ZSWIM6: variants seen among roughly 807,000 people sequenced by gnomAD.
ZSWIM6 encodes the protein zinc finger SWIM domain-containing protein 6.
ZSWIM6 carries 9 observed loss-of-function variants against 113.2 expected under a neutral mutation model. The ratio of observed to expected loss-of-function variants is 0.08; its 90% CI spans 0.05 to 0.14. The LOEUF is 0.14. Ranked by LOEUF, ZSWIM6 falls within the 10% of genes least tolerant of loss-of-function variation. The pLI is 1.00. For missense variants in ZSWIM6, 1,162 were observed against 1,552.2 expected, an observed-to-expected ratio of 0.75 and a Z score of 4.22; for synonymous variants, 611 against 606.5, an observed-to-expected ratio of 1.01 and a Z score of -0.11.
At chr5:61,391,047 A>G in intron 1 of ZSWIM6, 1 of 742,634 alleles carries the variant, frequency 1.3e-6, no homozygotes, top group South Asian at 1.4e-5. Flanking sequence ...CAGTGCTGTG[A>G]CAGTAACCTT....
At chr5:61,471,315 G>A (rs991407680) in intron 1 of ZSWIM6, among the ~76,000 whole-genome samples, 1 of 152,102 alleles carries the variant, frequency 6.6e-6, no homozygotes. Flanking sequence ...AGAGAGAGAG[G>A]GTGGAACTGA....
chr5:61,523,107 GA>G (rs778430755), intron 5 of ZSWIM6, among the ~76,000 whole-genome samples: 19 of 152,204 alleles, frequency 1.2e-4, no homozygotes, highest in Non-Finnish European at 1.9e-4. Flanking sequence ...ACTTTTAGCA[GA>G]ATACCCCCAT....
intron 1 of ZSWIM6, among the ~76,000 whole-genome samples, chr5:61,436,094 G>A (rs1746700864): frequency 1.3e-5 from 2 of 151,988 alleles, no homozygotes; most frequent in Middle Eastern, 3.4e-3. Flanking sequence ...CCAGCTACCC[G>A]GGAGGCTGAG....
At chr5:61,467,172 A>T (rs1040983953) in intron 1 of ZSWIM6, among the ~76,000 whole-genome samples, 3 of 152,218 alleles carry the variant, frequency 2.0e-5, no homozygotes, top group African/African-American at 7.2e-5. Context: ...AAGTGCCCAT[A>T]GCGCTTTTGC....
intron 1 of ZSWIM6, among the ~76,000 whole-genome samples, chr5:61,362,863 A>G (rs1210051621): frequency 6.6e-6 from 1 of 152,230 alleles, no homozygotes; most frequent in Non-Finnish European, 1.5e-5. Context: ...AAGAAAATTT[A>G]CATCACAACC....
chr5:61,406,952 A>T (rs1239146667), intron 1 of ZSWIM6, among the ~76,000 whole-genome samples: 1 of 152,132 alleles, frequency 6.6e-6, no homozygotes, highest in Non-Finnish European at 1.5e-5. Context: ...ACTTCAGGTG[A>T]TCCACCCACC....
In ZSWIM6 at chr5:61,383,080, T is replaced by G. The variant is rs148704110; in HGVS notation, c.676+50132T>G. ...TACAATAAATACAGTCTCCAAAAAGTCTGGACACACAGGGAAAATTGTGTG... is the reference window on the plus strand; with the variant it reads ...TACAATAAATACAGTCTCCAAAAAGGCTGGACACACAGGGAAAATTGTGTG... On this transcript the variant is annotated intron_variant, in intron 1 of 13. Coordinates refer to ENST00000252744, the MANE Select transcript of ZSWIM6 (RefSeq NM_020928.2). Among the ~76,000 whole-genome samples the G allele has an allele frequency of 6.1e-4, 93 of 152,334 alleles. 1 individual carries two copies. The South Asian group carries it at 0.01, about 17-fold the overall frequency.
At chr5:61,419,196 ATAGAT>A (rs1170211987) in intron 1 of ZSWIM6, among the ~76,000 whole-genome samples, 1 of 152,234 alleles carries the variant, frequency 6.6e-6, no homozygotes, top group Non-Finnish European at 1.5e-5. Context: ...ATTGTGGCCT[ATAGAT>A]TAAAGTTATT....
At chr5:61,512,136 C>G (rs1748806274) in intron 4 of ZSWIM6, among the ~76,000 whole-genome samples, 2 of 152,134 alleles carry the variant, frequency 1.3e-5, no homozygotes, top group Admixed American at 6.6e-5. Flanking sequence ...CATGCTGTCC[C>G]AGTCCCTAGC....
intron 7 of ZSWIM6, among the ~76,000 whole-genome samples, chr5:61,528,472 T>C (rs1403658540): frequency 6.6e-6 from 1 of 152,130 alleles, no homozygotes; most frequent in Admixed American, 6.5e-5. Context: ...TGCTCATGTT[T>C]CTTTTTTCCT....
In ZSWIM6 at chr5:61,332,420, G is replaced by A; in HGVS notation, c.148G>A (p.Gly50Ser). The change falls in exon 1 of 14, where the codon GGC becomes AGC. Residue 50 changes from glycine to serine, a missense_variant. By Grantham distance (56) the Gly-to-Ser change is moderately conservative. Coordinates refer to ENST00000252744, the MANE Select transcript of ZSWIM6 (RefSeq NM_020928.2). ...CTGTCGGCCAGGCCCGCGGGCGGGT[G>A]GCGCGGCGGCGGCGGCGGCGTGCGG... is the stretch of plus-strand genomic sequence containing the variant. Reference protein sequence around the residue: ...SACRPGPRAGGAAAAAACGGG... With the variant: ...SACRPGPRAGSAAAAAACGGG... 1 of 998,220 alleles carries A rather than the reference G, an allele frequency of 1.0e-6. No individual in the cohort carries two copies. The highest frequency in any genetic ancestry group is 1.2e-6 in the Non-Finnish European group (1 of 840,912). The allele number at this position is 998,220 out of a possible 1,614,324, so 61.8% of individuals were successfully genotyped here.
In ZSWIM6 at chr5:61,531,675, A is replaced by G; in HGVS notation, c.2195A>G (p.Asp732Gly). 2 of 1,551,710 alleles carry G rather than the reference A, an allele frequency of 1.3e-6. No individual in the cohort carries two copies. Among genetic ancestry groups the G allele is most frequent in the Non-Finnish European group, 1.7e-6 (2 of 1,146,974 alleles). Residue 732 changes from aspartate (D) to glycine (G), a missense_variant, in exon 9 of 14, where the codon GAT (aspartate) becomes GGT (glycine). Asp to Gly is a moderately conservative substitution (Grantham distance 94). This residue lies in a region of ZSWIM6 where 620 missense variants were observed against 804.6 expected (regional missense o/e 0.77). Coordinates refer to ENST00000252744, the MANE Select transcript of ZSWIM6 (RefSeq NM_020928.2). ...LISKLQEIELDDTLVKIFRKQ... is the reference protein window; with the variant it reads ...LISKLQEIELGDTLVKIFRKQ... ...TCTAAGCTTCAGGAAATTGAATTGG[A>G]TGACACACTGGTGAAAATTTTTCGC... is the stretch of plus-strand genomic sequence containing the variant.
At chr5:61,522,179 A>C (rs1354166626) in intron 5 of ZSWIM6, among the ~76,000 whole-genome samples, 2 of 151,200 alleles carry the variant, frequency 1.3e-5, no homozygotes, top group African/African-American at 4.9e-5. Flanking sequence ...TCTTTAAAAA[A>C]CTTCCTCCCT....
chr5:61,420,362 A>AAT (rs1157098271), intron 1 of ZSWIM6, among the ~76,000 whole-genome samples: 1 of 152,264 alleles, frequency 6.6e-6, no homozygotes, highest in African/African-American at 2.4e-5. Flanking sequence ...ACAATATTGT[A>AAT]GACATTTCAC....
chr5:61,486,199 T>C (rs1225674353), intron 2 of ZSWIM6, among the ~76,000 whole-genome samples: 1 of 152,132 alleles, frequency 6.6e-6, no homozygotes, highest in Non-Finnish European at 1.5e-5. Context: ...TCAGTGAGAA[T>C]ATGTGGTATT....
intron 1 of ZSWIM6, among the ~76,000 whole-genome samples, chr5:61,361,425 T>G (rs879573806): frequency 3.3e-5 from 5 of 152,136 alleles, no homozygotes; most frequent in Admixed American, 6.5e-5. Context: ...TAAGGCCCGT[T>G]TTTCAGTATC....
At chr5:61,409,349 A>G (rs947646527) in intron 1 of ZSWIM6, among the ~76,000 whole-genome samples, 1 of 152,116 alleles carries the variant, frequency 6.6e-6, no homozygotes, top group Non-Finnish European at 1.5e-5. Context: ...CAGAATTGCT[A>G]CCAGAAAGAA....
chr5:61,455,440 G>A (rs1032377361), intron 1 of ZSWIM6, among the ~76,000 whole-genome samples: 1 of 152,138 alleles, frequency 6.6e-6, no homozygotes, highest in African/African-American at 2.4e-5. Context: ...GAAAATCTCC[G>A]ACTTGTACTC....
chr5:61,358,376 T>C (rs916911936), intron 1 of ZSWIM6, among the ~76,000 whole-genome samples: 3 of 152,232 alleles, frequency 2.0e-5, no homozygotes, highest in Non-Finnish European at 4.4e-5. Context: ...TAACTGCTGT[T>C]ATTTGAAGCA....
Sources: allele counts gnomAD v4.1 joint callset (sites outside exome capture counted in the v4.1 genomes callset), GRCh38; gene constraint gnomAD v4.1.1; regional missense constraint gnomAD v4.1.1; transcripts MANE v1.5; gene names NCBI Gene and HGNC (gene_info 2026-07-23, HGNC 2026-07-21).